Variants in AGBL1 observed in about 807,000 individuals in gnomAD.
AGBL1 encodes the protein cytosolic carboxypeptidase 4.
In AGBL1, 130 loss-of-function variants were observed where a neutral mutation model predicts 118.9. That is an observed-to-expected ratio of 1.09 (90% CI 0.95 to 1.26). The LOEUF is 1.26. Ranked by LOEUF, AGBL1 falls within the 50% of genes most tolerant of loss-of-function variation. The pLI is 0.00. For synonymous variants in AGBL1, 555 were observed against 478.9 expected (o/e 1.16, Z -2.08); for missense variants, 1,584 against 1,298.1 (o/e 1.22, Z -3.38).
At chr15:86,207,726 G>T (rs1410336270) in intron 5 of AGBL1, among the ~76,000 whole-genome samples, 1 of 152,182 alleles carries the variant, frequency 6.6e-6, no homozygotes, top group African/African-American at 2.4e-5. Context: ...AGACAATGGG[G>T]TTTTCTAAAT....
chr15:86,200,488 A>G (rs1381135873), intron 5 of AGBL1, among the ~76,000 whole-genome samples: 3 of 150,860 alleles, frequency 2.0e-5, no homozygotes, highest in Non-Finnish European at 1.5e-5. Context: ...TATTGTTTAA[A>G]GGTGTTTATT....
At chr15:86,266,312 C>T (rs2079070300) in intron 11 of AGBL1, 62 bp from the exon 12 acceptor site, 1 of 1,300,750 alleles carries the variant, frequency 7.7e-7, no homozygotes, top group East Asian at 2.6e-5. Flanking sequence ...CAGGTGATCA[C>T]AGGATGAGTG....
At chr15:86,662,253 A>G (rs892440052) in intron 21 of AGBL1, among the ~76,000 whole-genome samples, 3 of 152,276 alleles carry the variant, frequency 2.0e-5, no homozygotes, top group African/African-American at 2.4e-5. Flanking sequence ...TACATACTGC[A>G]TAGGGAAAAA....
At chr15:86,976,425 T>C (rs2081177341) in intron 23 of AGBL1, among the ~76,000 whole-genome samples, 1 of 151,966 alleles carries the variant, frequency 6.6e-6, no homozygotes, top group African/African-American at 2.4e-5. Flanking sequence ...GTTTGTTTCT[T>C]TCTCAAGTAC....
At chr15:86,295,108 C>A (rs2079612266) in intron 16 of AGBL1, 147 bp from the exon 17 acceptor site, 4 of 884,426 alleles carry the variant, frequency 4.5e-6, no homozygotes, top group Non-Finnish European at 6.8e-6. Context: ...GAAATAGCCC[C>A]CTTTTAATCA....
chr15:86,210,712 C>T lies in AGBL1; in HGVS notation c.489-14202C>T, dbSNP rs138268302. On this transcript the variant is annotated intron_variant, in intron 5 of 22. Coordinates refer to ENST00000614907, the MANE Select transcript of AGBL1 (RefSeq NM_001386094.1). ...ACACTGTTTATTTTAGTTAGCCATT[C>T]GTCTAATCTTTTTTCAAGGTTTTTA... Among the ~76,000 whole-genome samples the T allele has an allele frequency of 4.5e-3, 692 of 152,166 alleles. 2 individuals are homozygous for T. The highest frequency in any genetic ancestry group is 7.3e-3 in the Non-Finnish European group (499 of 68,004).
In AGBL1 at chr15:86,857,145, C is replaced by G. The variant is rs543475200; in HGVS notation, c.3159-49942C>G. Among the ~76,000 whole-genome samples the G allele has an allele frequency of 2.0e-5, 3 of 152,270 alleles. No homozygotes were observed. In the South Asian group the frequency reaches 6.2e-4, roughly 32 times the overall value. ...CTTAATCCTTCTCCGGTTTATCCAT[C>G]CCCCAGCCAGCATGCTGTCCAGGCC... On this transcript the variant is annotated intron_variant, in intron 22 of 22. Transcript: ENST00000614907.
intron 17 of AGBL1, among the ~76,000 whole-genome samples, chr15:86,329,442 C>G (rs1054701257): frequency 6.6e-6 from 1 of 152,164 alleles, no homozygotes; most frequent in East Asian, 1.9e-4. Context: ...GGGGCCCTCT[C>G]TGTTCCACAT....
At chr15:86,479,644 A>T (rs558122768) in intron 18 of AGBL1, among the ~76,000 whole-genome samples, 14 of 152,360 alleles carry the variant, frequency 9.2e-5, no homozygotes, top group Admixed American at 5.2e-4. Flanking sequence ...GTGGCACTGT[A>T]AACTAGTTCA....
At position 86,278,427 on chromosome 15, in the gene AGBL1, C is replaced by G. The variant is rs563497398; in HGVS notation, c.2076-1212C>G. On this transcript the variant is annotated intron_variant, in intron 15 of 22. Transcript: ENST00000614907. The stretch of plus-strand genomic sequence containing the variant: ...CAGTGGGCTACCAGCTTCCCTTAGT[C>G]CCATTCCGAGGTGTATAAATATTGA... Among the ~76,000 whole-genome samples, 95 of 152,074 alleles carry G rather than the reference C, an allele frequency of 6.2e-4. 2 individuals are homozygous for G. In the South Asian group the frequency reaches 0.019, roughly 31 times the overall value.
chr15:86,477,795 A>G (rs996597581), intron 18 of AGBL1, among the ~76,000 whole-genome samples: 1 of 152,186 alleles, frequency 6.6e-6, no homozygotes, highest in Non-Finnish European at 1.5e-5. Context: ...AGAATTTTAG[A>G]TCAATATCCC....
chr15:86,554,286 T>C, intron 20 of AGBL1, 75 bp from the exon 21 acceptor site: 2 of 1,274,674 alleles, frequency 1.6e-6, no homozygotes, highest in Non-Finnish European at 2.2e-6. Context: ...TTAACAATGT[T>C]GAGAAGCTAT....
intron 22 of AGBL1, among the ~76,000 whole-genome samples, chr15:86,687,446 G>A (rs71401912): frequency 0.028 from 4,201 of 152,156 alleles, 79 homozygotes; most frequent in Non-Finnish European, 0.039. Context: ...AAGAACAATG[G>A]CCTCTTCTCT....
At chr15:86,965,209 T>A (rs1294353962) in intron 23 of AGBL1, among the ~76,000 whole-genome samples, 1 of 152,130 alleles carries the variant, frequency 6.6e-6, no homozygotes, top group Non-Finnish European at 1.5e-5. Context: ...ATCGCCACAC[T>A]CTCTTCCACA....
chr15:86,990,436 C>T (rs1223285848), intron 24 of AGBL1, among the ~76,000 whole-genome samples: 1 of 152,000 alleles, frequency 6.6e-6, no homozygotes, highest in African/African-American at 2.4e-5. Flanking sequence ...ATTGCTTGAA[C>T]CCAGGGGGCA....
At chr15:86,647,985 A>G (rs1290390896) in intron 21 of AGBL1, among the ~76,000 whole-genome samples, 1 of 152,160 alleles carries the variant, frequency 6.6e-6, no homozygotes, top group Non-Finnish European at 1.5e-5. Context: ...AGGAACAGCA[A>G]TGTGGCCAGT....
At chr15:86,991,860 T>C (rs912293990) in intron 24 of AGBL1, among the ~76,000 whole-genome samples, 1 of 152,162 alleles carries the variant, frequency 6.6e-6, no homozygotes, top group Non-Finnish European at 1.5e-5. Context: ...ATCAAGCATT[T>C]CCTGAAACAA....
chr15:86,880,271 C>A (rs774435011), intron 22 of AGBL1, among the ~76,000 whole-genome samples: 5 of 152,206 alleles, frequency 3.3e-5, no homozygotes, highest in Non-Finnish European at 5.9e-5. Flanking sequence ...GAAATTCACT[C>A]ATTTAGAGGA....
intron 1 of AGBL1, among the ~76,000 whole-genome samples, chr15:86,111,437 T>C (rs1189027657): frequency 2.0e-5 from 3 of 152,142 alleles, no homozygotes; most frequent in Non-Finnish European, 4.4e-5. Context: ...TTGTATCTAT[T>C]TTGGAATTTG....
Sources: allele counts gnomAD v4.1 joint callset (sites outside exome capture counted in the v4.1 genomes callset), GRCh38; gene constraint gnomAD v4.1.1; transcripts MANE v1.5; gene names NCBI Gene and HGNC (gene_info 2026-07-23, HGNC 2026-07-21).